TBC1D22A: variants seen among roughly 807,000 people sequenced by gnomAD.
The protein encoded by TBC1D22A is putative GTPase activator.
A neutral mutation model predicts 60.2 loss-of-function variants in TBC1D22A; 38 were observed. The ratio of observed to expected loss-of-function variants is 0.63; its 90% CI spans 0.49 to 0.83. The LOEUF is 0.83. Ranked by LOEUF, TBC1D22A falls within the 40% of genes least tolerant of loss-of-function variation. The pLI, the probability that TBC1D22A is intolerant of heterozygous loss-of-function variation, is 0.00. For missense variants in TBC1D22A, 628 were observed against 701.0 expected (o/e 0.90, Z 1.18); for synonymous variants, 302 against 281.7 (o/e 1.07, Z -0.72).
intron 11 of TBC1D22A, among the ~76,000 whole-genome samples, chr22:47,052,407 G>A (rs867999505): frequency 1.3e-5 from 2 of 152,176 alleles, no homozygotes; most frequent in African/African-American, 4.8e-5. Flanking sequence ...GGACCCTCAA[G>A]GTGAGGAGGT....
At chr22:47,081,120 CAAAAA>C (rs34794967) in intron 11 of TBC1D22A, among the ~76,000 whole-genome samples, 3 of 83,782 alleles carry the variant, frequency 3.6e-5, no homozygotes, top group African/African-American at 4.9e-5. Context: ...AACTCCGTCT[CAAAAA>C]AAAAAAAAAA....
chr22:47,091,497 G>A (rs570952377), intron 11 of TBC1D22A, among the ~76,000 whole-genome samples: 1 of 144,142 alleles, frequency 6.9e-6, no homozygotes, highest in Non-Finnish European at 1.5e-5. Flanking sequence ...CCTCGTGGAG[G>A]GGGTGGCTGC....
chr22:46,931,849 T>C (rs1983566), intron 8 of TBC1D22A, among the ~76,000 whole-genome samples: 85,521 of 152,112 alleles, frequency 0.56, 24,974 homozygotes, highest in East Asian at 0.72. Flanking sequence ...TGTTGCATGT[T>C]ATGCATAATT....
chr22:47,159,027 C>T (rs1248964599), intron 12 of TBC1D22A, among the ~76,000 whole-genome samples: 7 of 151,360 alleles, frequency 4.6e-5, no homozygotes, highest in African/African-American at 1.7e-4. Flanking sequence ...TATACACACA[C>T]ACACACCATG....
intron 11 of TBC1D22A, among the ~76,000 whole-genome samples, chr22:47,065,283 CCAT>C (rs950392388): frequency 1.3e-5 from 2 of 152,234 alleles, no homozygotes; most frequent in African/African-American, 4.8e-5. Context: ...GCGTGAGCCA[CCAT>C]GCCCGGCCTA....
chr22:46,828,653 G>T (rs1281176458), intron 4 of TBC1D22A, among the ~76,000 whole-genome samples: 1 of 152,210 alleles, frequency 6.6e-6, no homozygotes. Context: ...TTAGCCTCCT[G>T]CATGGAGCTC....
chr22:46,864,248 T>A (rs1442159404), intron 4 of TBC1D22A, among the ~76,000 whole-genome samples: 1 of 152,200 alleles, frequency 6.6e-6, no homozygotes, highest in Non-Finnish European at 1.5e-5. Context: ...AAGCCTAGAC[T>A]CCCATAACTC....
intron 1 of TBC1D22A, among the ~76,000 whole-genome samples, chr22:46,769,599 G>A (rs1186006284): frequency 6.6e-6 from 1 of 152,172 alleles, no homozygotes; most frequent in Non-Finnish European, 1.5e-5. Flanking sequence ...CTGAGGTCAG[G>A]GGAGGGTGTA....
rs539220910 is a variant in TBC1D22A, at chr22:47,028,376, C to G, written c.1202-8695C>G. On this transcript the variant is annotated intron_variant, in intron 10 of 12. Coordinates refer to ENST00000337137, the MANE Select transcript of TBC1D22A (RefSeq NM_014346.5). This position sits in a 1 kb window ranked among gnomAD's most constrained non-coding sequence, Gnocchi z 4.4. Reference sequence around the variant, plus strand: ...GGCCCAGGTTCTGAGAGTGAGTGGTCGCATTCCTGTCCCTCGGTCCCTGTC... The same window carrying G: ...GGCCCAGGTTCTGAGAGTGAGTGGTGGCATTCCTGTCCCTCGGTCCCTGTC... Among the ~76,000 whole-genome samples the G allele has an allele frequency of 6.7e-6, 1 of 150,026 alleles. No individual in the cohort carries two copies. The highest frequency in any genetic ancestry group is 1.5e-5 in the Non-Finnish European group (1 of 67,720).
intron 10 of TBC1D22A, among the ~76,000 whole-genome samples, chr22:47,020,604 G>A (rs1249908418): frequency 6.6e-6 from 1 of 151,986 alleles, no homozygotes; most frequent in Non-Finnish European, 1.5e-5. Context: ...CCAAGCTGGA[G>A]TTTGGGGGAA....
intron 10 of TBC1D22A, among the ~76,000 whole-genome samples, chr22:47,029,976 G>A (rs1464482343): frequency 1.3e-5 from 2 of 152,218 alleles, no homozygotes; most frequent in Non-Finnish European, 2.9e-5. Flanking sequence ...GCTGGTGAGC[G>A]TGACTGGACC....
intron 11 of TBC1D22A, among the ~76,000 whole-genome samples, chr22:47,060,169 C>T (rs1319512963): frequency 6.6e-6 from 1 of 151,974 alleles, no homozygotes; most frequent in Non-Finnish European, 1.5e-5. Context: ...GAAGCCAGTG[C>T]TCTGCGTACT....
chr22:47,173,025 G>T (rs550063036), intron 12 of TBC1D22A, among the ~76,000 whole-genome samples: 33 of 152,360 alleles, frequency 2.2e-4, no homozygotes, highest in African/African-American at 7.7e-4. Context: ...GGTACTTCCT[G>T]GGCTGATACA....
At chr22:46,867,184 C>A (rs2067096304) in intron 4 of TBC1D22A, among the ~76,000 whole-genome samples, 1 of 152,214 alleles carries the variant, frequency 6.6e-6, no homozygotes, top group Non-Finnish European at 1.5e-5. Context: ...CTTTCTTGGG[C>A]AGCACGTTAG....
At chr22:47,017,580 A>G (rs951447985) in intron 10 of TBC1D22A, among the ~76,000 whole-genome samples, 1 of 152,088 alleles carries the variant, frequency 6.6e-6, no homozygotes, top group Non-Finnish European at 1.5e-5. Flanking sequence ...TGCCATGGGA[A>G]TGCCAGGTGG....
chr22:47,153,233 C>T (rs911727526), intron 12 of TBC1D22A, among the ~76,000 whole-genome samples: 3 of 152,190 alleles, frequency 2.0e-5, no homozygotes, highest in Non-Finnish European at 4.4e-5. Flanking sequence ...TCCTGAATTC[C>T]ACCCACTGCT....
chr22:46,801,017 A>G (rs1409836019), intron 4 of TBC1D22A, among the ~76,000 whole-genome samples: 2 of 152,274 alleles, frequency 1.3e-5, no homozygotes, highest in East Asian at 1.9e-4. Flanking sequence ...AATTAAAATC[A>G]CACTTAAAAG....
intron 4 of TBC1D22A, among the ~76,000 whole-genome samples, chr22:46,824,763 G>A (rs574525614): frequency 6.6e-6 from 1 of 152,172 alleles, no homozygotes; most frequent in Non-Finnish European, 1.5e-5. Flanking sequence ...CTTGTTGAGG[G>A]ACTGGGTGTG....
At chr22:47,042,833 C>G (rs940146859) in intron 11 of TBC1D22A, among the ~76,000 whole-genome samples, 2 of 152,244 alleles carry the variant, frequency 1.3e-5, no homozygotes, top group African/African-American at 4.8e-5. Flanking sequence ...TGTTCAGTAT[C>G]TTAGGTGAAA....
Sources: gnomAD v4.1 joint callset for allele counts (sites outside exome capture counted in the v4.1 genomes callset) on GRCh38, gnomAD v4.1.1 for gene constraint, Gnocchi (gnomAD v3.1) non-coding constraint, MANE v1.5 for transcripts, NCBI Gene and HGNC (gene_info 2026-07-23, HGNC 2026-07-21) for gene names.